The following UGT1A8 variants were observed in gnomAD, a reference collection of about 807,000 sequenced individuals.
The protein encoded by UGT1A8 is UDP glucuronosyltransferase family 1 member A8.
In UGT1A8, 39 loss-of-function variants were observed where a neutral mutation model predicts 45.3. The observed-to-expected ratio is 0.86, with a 90% CI of 0.67 to 1.12. The LOEUF (loss-of-function observed/expected upper bound fraction) is 1.12. Ranked by LOEUF, UGT1A8 falls within the 50% of genes most tolerant of loss-of-function variation. The probability of loss-of-function intolerance (pLI) is 0.00; values close to 1 mark genes in which losing one functional copy is unlikely to be tolerated. For missense variants in UGT1A8, 719 were observed against 664.9 expected (o/e 1.08, Z -0.90); for synonymous variants, 275 against 249.2 (o/e 1.10, Z -0.97).
chr2:233,625,841 G>A (rs2125450958), intron 1 of UGT1A8, among the ~76,000 whole-genome samples: 1 of 152,058 alleles, frequency 6.6e-6, no homozygotes, highest in East Asian at 1.9e-4. Context: ...AATATGCTCA[G>A]TACTTGGGTG....
chr2:233,689,176 AGGTGCCCCTGGAACT>A (rs1354231899), intron 1 of UGT1A8, among the ~76,000 whole-genome samples: 1 of 152,222 alleles, frequency 6.6e-6, no homozygotes, highest in Non-Finnish European at 1.5e-5. Flanking sequence ...CTACTAGGAC[AGGTGCCCCTGGAACT>A]GTCTGGCTGG....
intron 1 of UGT1A8, among the ~76,000 whole-genome samples, chr2:233,721,034 G>C (rs539792830): frequency 4.0e-4 from 61 of 152,224 alleles, no homozygotes; most frequent in Non-Finnish European, 6.9e-4. Flanking sequence ...TCTTGTGAGA[G>C]AATTGAGCCC....
In UGT1A8 at chr2:233,661,803, T is replaced by G. The variant is rs551761528; in HGVS notation, c.855+43241T>G. Reference sequence around the variant, plus strand: ...AACTTTTCTTGTAATATCATGAATTTCTCTGCTTCATGGGAGCACTTGAGG... The same window carrying G: ...AACTTTTCTTGTAATATCATGAATTGCTCTGCTTCATGGGAGCACTTGAGG... On this transcript the variant is annotated intron_variant, in intron 1 of 4. Coordinates refer to ENST00000373450, the MANE Select transcript of UGT1A8 (RefSeq NM_019076.5). Among the ~76,000 whole-genome samples the G allele has an allele frequency of 4.6e-5, 7 of 151,994 alleles. No homozygotes were observed. The East Asian group carries it at 1.4e-3, about 29-fold the overall frequency.
intron 1 of UGT1A8, among the ~76,000 whole-genome samples, chr2:233,766,110 G>T (rs1275743643): frequency 6.6e-6 from 1 of 152,184 alleles, no homozygotes; most frequent in Non-Finnish European, 1.5e-5. Context: ...TATCCTGGGG[G>T]CTTGCCTTGG....
intron 1 of UGT1A8, among the ~76,000 whole-genome samples, chr2:233,674,906 A>G (rs1197331461): frequency 6.6e-6 from 1 of 152,216 alleles, no homozygotes; most frequent in Non-Finnish European, 1.5e-5. Context: ...TCCTTGTTTC[A>G]GATGCCAGGA....
In UGT1A8 at chr2:233,755,021, G is replaced by A. The variant is rs1378604817; in HGVS notation, c.856-12013G>A. 6 of 1,305,166 alleles carry A rather than the reference G, an allele frequency of 4.6e-6. No individual in the cohort carries two copies. In the East Asian group the frequency reaches 2.8e-4, roughly 60 times the overall value. The allele number at this position is 1,305,166 out of a possible 1,614,324, so 80.8% of individuals were successfully genotyped here. A position where few individuals can be genotyped will look rare whatever the true frequency, so the allele number is the denominator to read the frequency against. Reference sequence around the variant, plus strand: ...TGAAGACCTACTCGAAGGGGTCCTTGAAGGGCCTGCCGCCTGCGCAGCCGC... The same window carrying A: ...TGAAGACCTACTCGAAGGGGTCCTTAAAGGGCCTGCCGCCTGCGCAGCCGC... On this transcript the variant is annotated intron_variant, in intron 1 of 4. Transcript: ENST00000373450.
At chr2:233,738,243 A>G (rs57963849) in intron 1 of UGT1A8, among the ~76,000 whole-genome samples, 4 of 152,190 alleles carry the variant, frequency 2.6e-5, no homozygotes, top group Non-Finnish European at 5.9e-5. Context: ...CTCCAGCCAC[A>G]TGGAACTGGA....
intron 1 of UGT1A8, chr2:233,692,360 A>G (rs2125551379): frequency 6.4e-6 from 1 of 155,082 alleles, no homozygotes; most frequent in South Asian, 2.0e-4. Context: ...TCTGTGAGCC[A>G]TTCTAGCAAA....
chr2:233,688,897 T>C (rs1387591084), intron 1 of UGT1A8, among the ~76,000 whole-genome samples: 2 of 151,874 alleles, frequency 1.3e-5, no homozygotes, highest in Non-Finnish European at 1.5e-5. Flanking sequence ...TTGGGAGAAG[T>C]TGGGGGGATG....
At chr2:233,658,849 A>C (rs1327575986) in intron 1 of UGT1A8, among the ~76,000 whole-genome samples, 4 of 152,206 alleles carry the variant, frequency 2.6e-5, no homozygotes, top group Non-Finnish European at 5.9e-5. Context: ...AATATGTGAT[A>C]ATTATAGCTT....
intron 1 of UGT1A8, among the ~76,000 whole-genome samples, chr2:233,626,482 AT>A (rs2073085771): frequency 1.3e-5 from 2 of 152,068 alleles, no homozygotes; most frequent in South Asian, 4.1e-4. Flanking sequence ...ATGTTGCTGT[AT>A]CCATAATCCC....
In UGT1A8 at chr2:233,621,017, G is replaced by T. The variant is rs542388080; in HGVS notation, c.855+2455G>T. On this transcript the variant is annotated intron_variant, in intron 1 of 4. Coordinates refer to ENST00000373450, the MANE Select transcript of UGT1A8 (RefSeq NM_019076.5). ...GTTTGCGTGCAGTGTCCCAGACCCT[G>T]CACAGGGGATTTCTTGAAGATCTCC... 3.3e-5 allele frequency among the ~76,000 whole-genome samples: 5 copies of T among 152,194 alleles called. No individual in the cohort carries two copies. In the South Asian group the frequency reaches 6.2e-4, roughly 19 times the overall value.
chr2:233,636,397 T>TA, intron 1 of UGT1A8: 1 of 1,430,948 alleles, frequency 7.0e-7, no homozygotes. Flanking sequence ...AGTGTGATTT[T>TA]TTTTTTTTTA....
Position 233,636,887 on chromosome 2 carries a change from C to T in UGT1A8, c.855+18325C>T, listed in dbSNP as rs145610800. The T allele has an allele frequency of 8.1e-6, 13 of 1,613,696 alleles. No individual in the cohort carries two copies. In the African/African-American group the frequency reaches 1.1e-4, roughly 13 times the overall value. On this transcript the variant is annotated intron_variant, in intron 1 of 4. Transcript: ENST00000373450. ...AGTGGTTTTCTTGACTTATTTTTTT[C>T]GCATTGCAGGAGTTTGTTTAATGAC...
intron 1 of UGT1A8, among the ~76,000 whole-genome samples, chr2:233,658,671 A>G (rs552160502): frequency 6.6e-6 from 1 of 152,358 alleles, no homozygotes; most frequent in South Asian, 2.1e-4. Context: ...AAGTAAGACC[A>G]CAAAGGTAAT....
intron 1 of UGT1A8, among the ~76,000 whole-genome samples, chr2:233,714,825 A>G (rs971124099): frequency 1.3e-5 from 2 of 152,238 alleles, no homozygotes; most frequent in African/African-American, 4.8e-5. Flanking sequence ...AGTGACAACA[A>G]TATGGTGAAT....
intron 1 of UGT1A8, among the ~76,000 whole-genome samples, chr2:233,703,700 T>A (rs1405224643): frequency 6.6e-6 from 1 of 152,198 alleles, no homozygotes; most frequent in Admixed American, 6.5e-5. Flanking sequence ...CATTTAACTT[T>A]GTAAAATTTA....
chr2:233,685,233 A>G (rs1021314023), intron 1 of UGT1A8, among the ~76,000 whole-genome samples: 1 of 152,146 alleles, frequency 6.6e-6, no homozygotes, highest in African/African-American at 2.4e-5. Context: ...GGGTTTCACC[A>G]TGTTGGCCAG....
intron 1 of UGT1A8, among the ~76,000 whole-genome samples, chr2:233,728,333 C>T (rs2077701109): frequency 6.6e-6 from 1 of 152,198 alleles, no homozygotes; most frequent in Admixed American, 6.5e-5. Context: ...CCAGCTCCCC[C>T]AGTCCCTTGG....
Sources: allele counts gnomAD v4.1 joint callset (sites outside exome capture counted in the v4.1 genomes callset), GRCh38; gene constraint gnomAD v4.1.1; transcripts MANE v1.5; gene names NCBI Gene and HGNC (gene_info 2026-07-23, HGNC 2026-07-21).